RHOBTB1: variants seen among roughly 807,000 people sequenced by gnomAD.
The protein encoded by RHOBTB1 is rho-related BTB domain-containing protein 1.
In RHOBTB1, 40 loss-of-function variants were observed where a neutral mutation model predicts 71.6. The ratio of observed to expected loss-of-function variants is 0.56; its 90% CI spans 0.43 to 0.73. The LOEUF (loss-of-function observed/expected upper bound fraction) is 0.73. Ranked by LOEUF, RHOBTB1 falls within the 30% of genes least tolerant of loss-of-function variation. RHOBTB1 has a pLI of 0.00. For synonymous variants in RHOBTB1, 319 were observed against 334.9 expected, an observed-to-expected ratio of 0.95 and a Z score of 0.52; for missense variants, 797 against 894.0, an observed-to-expected ratio of 0.89 and a Z score of 1.38.
intron 2 of RHOBTB1, among the ~76,000 whole-genome samples, chr10:60,965,258 AT>A (rs2085917852): frequency 6.6e-6 from 1 of 152,006 alleles, no homozygotes; most frequent in Non-Finnish European, 1.5e-5. Context: ...TATATATTAT[AT>A]ACTAAACTCC....
In RHOBTB1 at chr10:60,888,904, T is replaced by C. The variant is rs2081758278; in HGVS notation, c.764A>G (p.Glu255Gly). ...IPECPSMGTNEAACLLDNPLC... is the reference protein window; with the variant it reads ...IPECPSMGTNGAACLLDNPLC... ...AGGATTGTCCAGTAAACAGGCAGCT[T>C]CATTTGTCCCCATGGAAGGACACTC... is the stretch of plus-strand genomic sequence containing the variant. Residue 255 changes from glutamate (E) to glycine (G), a missense_variant, in exon 6 of 11, where the codon GAA becomes GGA. By Grantham distance (98) the Glu-to-Gly change is moderately conservative. Coordinates refer to ENST00000337910, the MANE Select transcript of RHOBTB1 (RefSeq NM_014836.5). The C allele has an allele frequency of 6.2e-7, 1 of 1,614,064 alleles. No homozygotes were observed.
At chr10:60,931,581 C>A (rs920436156) in intron 2 of RHOBTB1, among the ~76,000 whole-genome samples, 1 of 152,014 alleles carries the variant, frequency 6.6e-6, no homozygotes, top group African/African-American at 2.4e-5. Flanking sequence ...GACGTTTTAG[C>A]TTTTTAAAAA....
At chr10:60,887,098 A>G (rs72811891) in intron 6 of RHOBTB1, among the ~76,000 whole-genome samples, 2,300 of 151,886 alleles carry the variant, frequency 0.015, 17 homozygotes, top group African/African-American at 0.021. Flanking sequence ...ACAGAATCCA[A>G]TTGAGACTCC....
At chr10:60,948,365 A>C (rs2085304244), upstream of RHOBTB1, among the ~76,000 whole-genome samples, 1 of 152,234 alleles carries the variant, frequency 6.6e-6, no homozygotes, top group Non-Finnish European at 1.5e-5. Flanking sequence ...CTCCTATAGA[A>C]AGGGTCTTTT....
In RHOBTB1 at chr10:60,871,351, G is replaced by A. The variant is rs2132147333; in HGVS notation, c.*131C>T. ...CTAACAAAGATAAATGCACAAAAGTGGAGGAAGATCAGTGCCCGAAACCTG... is the reference window on the plus strand; with the variant it reads ...CTAACAAAGATAAATGCACAAAAGTAGAGGAAGATCAGTGCCCGAAACCTG... On this transcript the variant is annotated 3_prime_UTR_variant, in exon 11 of 11. Transcript: ENST00000337910. The A allele has an allele frequency of 2.5e-6, 2 of 812,852 alleles. No individual in the cohort carries two copies. The highest frequency in any genetic ancestry group is 2.6e-5 in the East Asian group (1 of 38,336). The allele number at this position is 812,852 out of a possible 1,614,324, so 50.4% of individuals were successfully genotyped here.
rs1431199157 is a variant in RHOBTB1, at chr10:60,882,896, C to T, written c.1575+3216G>A. Among the ~76,000 whole-genome samples the T allele has an allele frequency of 5.9e-5, 9 of 152,278 alleles. No homozygotes were observed. The East Asian group carries it at 9.6e-4, about 16-fold the overall frequency. ...AACAAGAAAACTCTAGCATAATAGT[C>T]GCTAACATTTATTGAACATTTGTAT... On this transcript the variant is annotated intron_variant, in intron 7 of 10. Transcript: ENST00000337910.
At position 60,964,301 on chromosome 10, in the gene RHOBTB1, T is replaced by C. The variant is rs532258938; in HGVS notation, c.-62+21544A>G. On this transcript the variant is annotated intron_variant, in intron 2 of 11. Transcript: ENST00000357917. ...GAGAGAAGGTTGGCGCCAGAGAGGA[T>C]ACAACTGATTATAAACGCTCTCCTG... Among the ~76,000 whole-genome samples the C allele has an allele frequency of 9.2e-5, 14 of 152,176 alleles. No homozygotes were observed. In the East Asian group the frequency reaches 2.7e-3, roughly 29 times the overall value.
chr10:60,949,068 T>A (rs2085328642), upstream of RHOBTB1, among the ~76,000 whole-genome samples: 1 of 152,224 alleles, frequency 6.6e-6, no homozygotes, highest in Admixed American at 6.5e-5. Context: ...AAAGACTGAC[T>A]GTTCTGAGGC....
intron 2 of RHOBTB1, among the ~76,000 whole-genome samples, chr10:60,969,653 C>T (rs2086086453): frequency 1.3e-5 from 2 of 151,932 alleles, no homozygotes; most frequent in African/African-American, 2.4e-5. Flanking sequence ...TCAAGAGAGT[C>T]CTATTGTCTG....
intron 4 of RHOBTB1, among the ~76,000 whole-genome samples, chr10:60,895,799 G>T (rs2082136553): frequency 1.3e-5 from 2 of 152,352 alleles, no homozygotes; most frequent in Middle Eastern, 3.4e-3. Context: ...TTTACATAAA[G>T]ATTACACAGA....
At chr10:60,906,263 T>C (rs1344459601) in intron 4 of RHOBTB1, among the ~76,000 whole-genome samples, 2 of 152,352 alleles carry the variant, frequency 1.3e-5, no homozygotes, top group East Asian at 3.9e-4. Context: ...GATGTATCAT[T>C]TTTACTGAAA....
chr10:60,916,081 G>A (rs2083256956), intron 2 of RHOBTB1, among the ~76,000 whole-genome samples: 4 of 152,190 alleles, frequency 2.6e-5, no homozygotes, highest in Admixed American at 2.0e-4. Flanking sequence ...CTCCCATCAG[G>A]AGGTGAAATC....
intron 4 of RHOBTB1, among the ~76,000 whole-genome samples, chr10:60,904,309 ATTGT>A (rs1336340686): frequency 6.6e-6 from 1 of 152,174 alleles, no homozygotes; most frequent in African/African-American, 2.4e-5. Context: ...TTGCATATTT[ATTGT>A]TTAATTTGAT....
At chr10:60,883,988 G>T (rs560140412) in intron 7 of RHOBTB1, among the ~76,000 whole-genome samples, 8 of 152,298 alleles carry the variant, frequency 5.3e-5, no homozygotes, top group African/African-American at 1.9e-4. Flanking sequence ...GCTCAGGAGA[G>T]ATTTTCATTA....
intron 2 of RHOBTB1, among the ~76,000 whole-genome samples, chr10:60,975,150 A>C (rs1353955360): frequency 6.6e-6 from 1 of 152,130 alleles, no homozygotes; most frequent in Non-Finnish European, 1.5e-5. Context: ...AAAGGTATAG[A>C]TATAGATATA....
intron 2 of RHOBTB1, among the ~76,000 whole-genome samples, chr10:60,970,494 T>C (rs180901392): frequency 6.6e-6 from 1 of 152,196 alleles, no homozygotes; most frequent in East Asian, 1.9e-4. Context: ...ATATTAATTC[T>C]GTATTTCATA....
At chr10:60,899,464 G>A (rs901031523) in intron 4 of RHOBTB1, among the ~76,000 whole-genome samples, 3 of 152,152 alleles carry the variant, frequency 2.0e-5, no homozygotes, top group African/African-American at 7.2e-5. Flanking sequence ...CAGCTACCGC[G>A]CTACATGGGA....
chr10:60,935,331 G>A (rs915495306), intron 2 of RHOBTB1, among the ~76,000 whole-genome samples: 3 of 152,138 alleles, frequency 2.0e-5, no homozygotes, highest in African/African-American at 7.2e-5. Context: ...ATTGGGTAGT[G>A]GCTGGATAGG....
intron 2 of RHOBTB1, among the ~76,000 whole-genome samples, chr10:60,975,989 A>C (rs923325987): frequency 1.3e-5 from 2 of 152,078 alleles, no homozygotes; most frequent in Admixed American, 6.6e-5. Context: ...TCATTGTTGC[A>C]CTAGAAAGTG....
Sources: allele counts gnomAD v4.1 joint callset (sites outside exome capture counted in the v4.1 genomes callset), GRCh38; gene constraint gnomAD v4.1.1; transcripts MANE v1.5; gene names NCBI Gene and HGNC (gene_info 2026-07-23, HGNC 2026-07-21).